Variants in BMPR1A observed in about 807,000 individuals in gnomAD.
BMPR1A encodes the protein bone morphogenetic protein receptor type-1A.
A neutral mutation model predicts 66.0 loss-of-function variants in BMPR1A; 7 were observed. The ratio of observed to expected loss-of-function variants is 0.11; its 90% CI spans 0.06 to 0.20. The LOEUF is 0.20. BMPR1A is among the 10% of genes least tolerant of loss of function. The pLI, the probability that BMPR1A is intolerant of heterozygous loss-of-function variation, is 1.00. For missense variants in BMPR1A, 408 were observed against 669.1 expected (o/e 0.61, Z 4.31); for synonymous variants, 200 against 229.7 (o/e 0.87, Z 1.17).
At chr10:86,798,489 T>C (rs1314424107) in intron 1 of BMPR1A, among the ~76,000 whole-genome samples, 1 of 152,200 alleles carries the variant, frequency 6.6e-6, no homozygotes, top group African/African-American at 2.4e-5. Context: ...TTTAAAATAC[T>C]GAAGTTTATT....
chr10:86,901,836 A>C (rs1465609252), intron 7 of BMPR1A, among the ~76,000 whole-genome samples: 2 of 152,048 alleles, frequency 1.3e-5, no homozygotes, highest in Non-Finnish European at 1.5e-5. Flanking sequence ...TCTTTATTAC[A>C]CAAGGGCACT....
intron 7 of BMPR1A, among the ~76,000 whole-genome samples, chr10:86,908,805 CT>C (rs1338805296): frequency 2.0e-5 from 3 of 152,102 alleles, no homozygotes; most frequent in African/African-American, 7.2e-5. Flanking sequence ...GCTCTTGCAC[CT>C]CCTCCCACAG....
intron 2 of BMPR1A, among the ~76,000 whole-genome samples, chr10:86,852,224 C>T (rs1367081809): frequency 6.6e-6 from 1 of 151,898 alleles, no homozygotes; most frequent in Non-Finnish European, 1.5e-5. Context: ...TAAAATCAAC[C>T]ATGTTTTCTG....
intron 7 of BMPR1A, 32 bp downstream of exon 7, chr10:86,900,158 T>C (rs1288894071): frequency 1.2e-6 from 2 of 1,600,134 alleles, no homozygotes; most frequent in Non-Finnish European, 8.5e-7. Context: ...AGCAAAATAT[T>C]TTGTCAAATA....
At chr10:86,780,717 G>A (rs1841424662) in intron 1 of BMPR1A, among the ~76,000 whole-genome samples, 2 of 152,138 alleles carry the variant, frequency 1.3e-5, no homozygotes, top group African/African-American at 4.8e-5. Flanking sequence ...ACAGGCGTGA[G>A]CGTGAGCCAC....
chr10:86,770,842 G>A lies in BMPR1A; in HGVS notation c.-268+13923G>A, dbSNP rs573619855. ...TAGGGATAGGGATAGAGAAACAATT[G>A]TTTCTTGTGTTTGTACCGATTTCAG... is the stretch of plus-strand genomic sequence containing the variant. On this transcript the variant is annotated intron_variant, in intron 1 of 12. Coordinates refer to ENST00000372037, the MANE Select transcript of BMPR1A (RefSeq NM_004329.3). Among the ~76,000 whole-genome samples the A allele has an allele frequency of 4.6e-5, 7 of 152,298 alleles. No homozygotes were observed. The East Asian group carries it at 1.3e-3, about 29-fold the overall frequency.
intron 2 of BMPR1A, among the ~76,000 whole-genome samples, chr10:86,847,579 G>A (rs1391113286): frequency 6.6e-6 from 1 of 151,802 alleles, no homozygotes; most frequent in African/African-American, 2.4e-5. Context: ...GCCAGGCACG[G>A]TGGCTCATGC....
rs112738256 is a variant in BMPR1A at position 86,916,992 on chromosome 10, C to CA, written c.676-130dup. The CA allele has an allele frequency of 0.08, 54,147 of 675,028 alleles. 51 individuals are homozygous for CA. The highest frequency in any genetic ancestry group is 0.088 in the East Asian group (2,264 of 25,672). 41.8% of individuals were successfully genotyped at this position (675,028 alleles called of 1,614,324 possible). ...TGGGTGACAGAGCGAGACTCCATCT[C>CA]AAAAAAAAAAAAGTACATTATAAGT... On this transcript the variant is annotated intron_variant, in intron 8 of 12. Coordinates refer to ENST00000372037, the MANE Select transcript of BMPR1A (RefSeq NM_004329.3).
chr10:86,845,747 C>T (rs888158941), intron 2 of BMPR1A, among the ~76,000 whole-genome samples: 2 of 152,178 alleles, frequency 1.3e-5, no homozygotes, highest in Non-Finnish European at 2.9e-5. Context: ...CCTGTAATCC[C>T]AGCACTTTGG....
intron 1 of BMPR1A, among the ~76,000 whole-genome samples, chr10:86,826,570 G>T (rs1428966631): frequency 6.6e-6 from 1 of 151,902 alleles, no homozygotes; most frequent in Non-Finnish European, 1.5e-5. Context: ...TATATAAGCA[G>T]TCCCACAATT....
chr10:86,855,402 A>G, intron 2 of BMPR1A: 1 of 776,834 alleles, frequency 1.3e-6, no homozygotes, highest in Non-Finnish European at 2.1e-6. Context: ...TTGATTTGGC[A>G]AATTTTCTGT....
chr10:86,802,760 G>T (rs1841829968), intron 1 of BMPR1A, among the ~76,000 whole-genome samples: 2 of 151,616 alleles, frequency 1.3e-5, no homozygotes, highest in Admixed American at 6.6e-5. Context: ...CTGAATTTTA[G>T]ATAATTTCTT....
intron 11 of BMPR1A, among the ~76,000 whole-genome samples, chr10:86,922,127 T>A (rs941181565): frequency 6.6e-6 from 1 of 152,184 alleles, no homozygotes; most frequent in Non-Finnish European, 1.5e-5. Context: ...GATTTTTAGA[T>A]CTCACAAGTA....
rs759424209 is a variant in BMPR1A, at chr10:86,884,394, A to ATTTTTTTTTTTTTTTTTTTT, written c.68-5650_68-5631dup. ...AGCCACCATGCCTGGCAAACACATG[A>ATTTTTTTTTTTTTTTTTTTT]TTTTTTTTTTTTTTTTTTTTTTTTT... On this transcript the variant is annotated intron_variant, in intron 3 of 12. Transcript: ENST00000372037. Among the ~76,000 whole-genome samples the ATTTTTTTTTTTTTTTTTTTT allele has an allele frequency of 1.0e-4, 5 of 49,330 alleles. 1 individual carries two copies. The highest frequency in any genetic ancestry group is 1.8e-4 in the Non-Finnish European group (4 of 22,330). The allele number at this position is 49,330 out of a possible 152,430, so 32.4% of individuals were successfully genotyped here.
intron 1 of BMPR1A, among the ~76,000 whole-genome samples, chr10:86,819,373 C>T (rs928061470): frequency 1.3e-5 from 2 of 151,858 alleles, no homozygotes; most frequent in African/African-American, 2.4e-5. Flanking sequence ...TGCAGTGGTG[C>T]GATCTCAGGT....
intron 1 of BMPR1A, among the ~76,000 whole-genome samples, chr10:86,805,314 G>GT (rs1400772784): frequency 6.6e-6 from 1 of 150,970 alleles, no homozygotes; most frequent in African/African-American, 2.4e-5. Flanking sequence ...ACATTCACCA[G>GT]TTTTTAACAT....
At chr10:86,886,223 G>A (rs1372445624) in intron 3 of BMPR1A, among the ~76,000 whole-genome samples, 2 of 152,190 alleles carry the variant, frequency 1.3e-5, no homozygotes, top group Non-Finnish European at 2.9e-5. Flanking sequence ...GAGGCCTGCA[G>A]GACCCAGATC....
At chr10:86,796,897 G>C (rs1217644085) in intron 1 of BMPR1A, among the ~76,000 whole-genome samples, 8 of 152,074 alleles carry the variant, frequency 5.3e-5, no homozygotes, top group South Asian at 2.1e-4. Context: ...GTGTTGTTCT[G>C]TTTTGTCCTG....
intron 2 of BMPR1A, among the ~76,000 whole-genome samples, chr10:86,867,066 C>G (rs1164583541): frequency 6.6e-6 from 1 of 152,140 alleles, no homozygotes; most frequent in Non-Finnish European, 1.5e-5. Context: ...GCACAAAATA[C>G]CTAGATCATC....
Sources: gnomAD v4.1 joint callset for allele counts (sites outside exome capture counted in the v4.1 genomes callset) on GRCh38, gnomAD v4.1.1 for gene constraint, MANE v1.5 for transcripts, NCBI Gene and HGNC (gene_info 2026-07-23, HGNC 2026-07-21) for gene names.